CDH7: variants seen among roughly 807,000 people sequenced by gnomAD.
CDH7 encodes cadherin 7.
CDH7 carries 25 observed loss-of-function variants against 71.8 expected under a neutral mutation model. The observed-to-expected ratio is 0.35, with a 90% CI of 0.25 to 0.49. CDH7 has a LOEUF of 0.49. CDH7 is among the 20% of genes least tolerant of loss of function. CDH7 has a pLI of 0.99. For synonymous variants in CDH7, 381 were observed against 363.8 expected (o/e 1.05, Z -0.54); for missense variants, 862 against 974.6 (o/e 0.88, Z 1.54).
chr18:65,879,607 C>T (rs966961875), intron 11 of CDH7, among the ~76,000 whole-genome samples: 12 of 152,176 alleles, frequency 7.9e-5, no homozygotes, highest in African/African-American at 2.9e-4. Context: ...GCACAGAATA[C>T]ATTGTTTAAG....
chr18:65,801,108 G>A (rs1375043947), intron 2 of CDH7, among the ~76,000 whole-genome samples: 3 of 152,224 alleles, frequency 2.0e-5, no homozygotes, highest in East Asian at 1.9e-4. Flanking sequence ...TCATGAAGGC[G>A]GGGGTTACTT....
At chr18:65,863,028 T>C in intron 11 of CDH7, 111 bp downstream of exon 11, 1 of 1,225,382 alleles carries the variant, frequency 8.2e-7, no homozygotes, top group Non-Finnish European at 1.2e-6. Context: ...TTCTACTGGA[T>C]GGTGTTTGTT....
intron 11 of CDH7, among the ~76,000 whole-genome samples, chr18:65,867,853 G>C (rs2628201): frequency 0.14 from 21,782 of 152,128 alleles, 3,276 homozygotes; most frequent in African/African-American, 0.38. Flanking sequence ...GAAACTTGCT[G>C]TTTACTGCAT....
chr18:65,768,164 C>T (rs1399965581), intron 2 of CDH7, among the ~76,000 whole-genome samples: 3 of 151,168 alleles, frequency 2.0e-5, no homozygotes, highest in Non-Finnish European at 2.9e-5. Flanking sequence ...AATCTACTTG[C>T]GTCCTATTTT....
chr18:65,760,646 C>G (rs1239788872), intron 1 of CDH7, among the ~76,000 whole-genome samples: 3 of 152,140 alleles, frequency 2.0e-5, no homozygotes, highest in African/African-American at 7.2e-5. Flanking sequence ...GGCCACAGAC[C>G]TCACATGCTT....
chr18:65,805,019 T>A (rs149799205), intron 2 of CDH7, among the ~76,000 whole-genome samples: 1 of 152,046 alleles, frequency 6.6e-6, no homozygotes, highest in Non-Finnish European at 1.5e-5. Context: ...GGACAGAAAT[T>A]GAAATAAAAC....
At chr18:65,797,857 T>C (rs977020660) in intron 2 of CDH7, among the ~76,000 whole-genome samples, 4 of 152,174 alleles carry the variant, frequency 2.6e-5, no homozygotes, top group African/African-American at 9.7e-5. Flanking sequence ...GGAAGAACAT[T>C]TACCTCAAAC....
intron 7 of CDH7, among the ~76,000 whole-genome samples, chr18:65,849,068 A>G (rs899054035): frequency 1.7e-4 from 26 of 152,318 alleles, no homozygotes; most frequent in Admixed American, 1.6e-3. Flanking sequence ...ACCAACCAGT[A>G]ACATAACATA....
At chr18:65,854,932 T>TATATATATATACAC (rs67623413) in intron 7 of CDH7, among the ~76,000 whole-genome samples, 2 of 148,774 alleles carry the variant, frequency 1.3e-5, no homozygotes, top group Non-Finnish European at 3.0e-5. Flanking sequence ...TATATATATA[T>TATATATATATACAC]ACACACACAT....
At chr18:65,877,616 A>C (rs992169155) in intron 11 of CDH7, among the ~76,000 whole-genome samples, 5 of 152,008 alleles carry the variant, frequency 3.3e-5, no homozygotes, top group Admixed American at 2.0e-4. Flanking sequence ...TATGCTGTTC[A>C]ACATGTGTAA....
At chr18:65,880,361 G>T in intron 11 of CDH7, 40 bp from the exon 12 acceptor site, 1 of 1,513,004 alleles carries the variant, frequency 6.6e-7, no homozygotes, top group South Asian at 1.4e-5. Flanking sequence ...GGCAATGGGT[G>T]AGTTTACTGA....
chr18:65,848,686 G>A (rs1230341546), intron 7 of CDH7, among the ~76,000 whole-genome samples: 1 of 152,008 alleles, frequency 6.6e-6, no homozygotes, highest in Non-Finnish European at 1.5e-5. Flanking sequence ...ACTAAAAATG[G>A]CCAATGAAAT....
At chr18:65,767,298 A>G (rs7232255) in intron 2 of CDH7, among the ~76,000 whole-genome samples, 4,229 of 152,100 alleles carry the variant, frequency 0.028, 184 homozygotes, top group African/African-American at 0.095. Context: ...GAAATTATCT[A>G]CCTCCTGATA....
At chr18:65,841,915 A>C (rs1912747721) in intron 6 of CDH7, among the ~76,000 whole-genome samples, 1 of 152,166 alleles carries the variant, frequency 6.6e-6, no homozygotes, top group African/African-American at 2.4e-5. Context: ...TAGCCTCATA[A>C]AAATATTACT....
intron 6 of CDH7, among the ~76,000 whole-genome samples, chr18:65,828,154 A>G (rs1912199837): frequency 1.3e-5 from 2 of 151,844 alleles, no homozygotes; most frequent in African/African-American, 4.8e-5. Flanking sequence ...ACAAATTTTT[A>G]TTATCTGTTA....
chr18:65,782,041 CCT>C, intron 2 of CDH7, among the ~76,000 whole-genome samples: 3 of 45,696 alleles, frequency 6.6e-5, no homozygotes, highest in African/African-American at 4.4e-4. Flanking sequence ...TTCCTTCCTT[CCT>C]TCCTTCCTTC....
chr18:65,845,911 A>C (rs1218081098), intron 7 of CDH7, among the ~76,000 whole-genome samples: 1 of 151,934 alleles, frequency 6.6e-6, no homozygotes, highest in Non-Finnish European at 1.5e-5. Flanking sequence ...TCCAGCCTGG[A>C]CAACATAGTG....
chr18:65,845,573 A>G (rs1188301894), intron 7 of CDH7, among the ~76,000 whole-genome samples: 4 of 152,080 alleles, frequency 2.6e-5, no homozygotes, highest in African/African-American at 9.7e-5. Flanking sequence ...CTCTTAGTGA[A>G]ACCTTAAATC....
intron 2 of CDH7, among the ~76,000 whole-genome samples, chr18:65,783,253 C>G (rs963629921): frequency 7.9e-5 from 12 of 151,976 alleles, no homozygotes; most frequent in African/African-American, 2.9e-4. Context: ...ATGAATCCAA[C>G]CAAATGAACA....
Sources: gnomAD v4.1 joint callset for allele counts (sites outside exome capture counted in the v4.1 genomes callset) on GRCh38, gnomAD v4.1.1 for gene constraint, MANE v1.5 for transcripts, NCBI Gene and HGNC (gene_info 2026-07-23, HGNC 2026-07-21) for gene names.